GFOD2: variants seen among roughly 807,000 people sequenced by gnomAD.
GFOD2 encodes the protein Gfo/Idh/MocA-like oxidoreductase domain containing 2, also known as glucose-fructose oxidoreductase domain-containing protein 2.
GFOD2 carries 9 observed loss-of-function variants against 24.6 expected under a neutral mutation model. The ratio of observed to expected loss-of-function variants is 0.37; its 90% CI spans 0.22 to 0.64. GFOD2 has a LOEUF of 0.64. Among genes scored for constraint, GFOD2 ranks in the 30% least tolerant of loss-of-function variants. GFOD2 has a pLI of 0.65. For synonymous variants in GFOD2, 211 were observed against 224.8 expected (o/e 0.94, Z 0.55); for missense variants, 476 against 532.5 (o/e 0.89, Z 1.04).
chr16:67,680,360 C>T (rs1373489402), intron 2 of GFOD2: 1 of 152,216 alleles, frequency 6.6e-6, no homozygotes, highest in Non-Finnish European at 1.5e-5. Context: ...ATGATCAAGC[C>T]ACTGTACTCC....
At chr16:67,693,958 C>A (rs1401746339) in intron 1 of GFOD2, among the ~76,000 whole-genome samples, 3 of 151,810 alleles carry the variant, frequency 2.0e-5, no homozygotes, top group Admixed American at 1.3e-4. Context: ...AACAAAAAAA[C>A]CAACCCCCAT....
At chr16:67,681,387 G>A in intron 2 of GFOD2, 1 of 985,390 alleles carries the variant, frequency 1.0e-6, no homozygotes, top group South Asian at 4.7e-5. Context: ...GGTGAGGAAA[G>A]AGGGAAAGAC....
At chr16:67,707,191 T>A (rs1351395224) in intron 1 of GFOD2, among the ~76,000 whole-genome samples, 2 of 151,920 alleles carry the variant, frequency 1.3e-5, no homozygotes, top group African/African-American at 2.4e-5. Context: ...AAACCCCATG[T>A]CTACTGAAAA....
rs191333992 is a variant in GFOD2, at chr16:67,707,763, C to T, written c.-88+11400G>A. ...TGTGAGTCTCACTGTGTTGCCCAGG[C>T]TGGTCTCAACCTGCTGGCCTCAAGT... On this transcript the variant is annotated intron_variant, in intron 1 of 2. Coordinates refer to ENST00000268797, the MANE Select transcript of GFOD2 (RefSeq NM_030819.4). Among the ~76,000 whole-genome samples, 676 of 152,222 alleles carry T rather than the reference C, an allele frequency of 4.4e-3. 6 individuals are homozygous for T. The highest frequency in any genetic ancestry group is 0.015 in the African/African-American group (629 of 41,526).
intron 1 of GFOD2, among the ~76,000 whole-genome samples, chr16:67,695,596 CAT>C: frequency 6.8e-6 from 1 of 146,936 alleles, no homozygotes; most frequent in Admixed American, 6.9e-5. Context: ...AGTGCTGTGG[CAT>C]GATCTTGGCC....
At chr16:67,713,461 C>G (rs1657881478) in intron 1 of GFOD2, among the ~76,000 whole-genome samples, 1 of 152,174 alleles carries the variant, frequency 6.6e-6, no homozygotes. Flanking sequence ...GTCCCACAGA[C>G]TTCCCCTTCC....
At chr16:67,688,091 T>C (rs1473452423) in intron 1 of GFOD2, among the ~76,000 whole-genome samples, 2 of 152,166 alleles carry the variant, frequency 1.3e-5, no homozygotes, top group African/African-American at 4.8e-5. Context: ...AGATAAAGAA[T>C]GCTGTGGAGT....
chr16:67,675,281 C>T lies in GFOD2; in HGVS notation c.1032G>A (p.Met344Ile). The T allele has an allele frequency of 5.0e-6, 8 of 1,612,970 alleles. No homozygotes were observed. The highest frequency in any genetic ancestry group is 6.8e-6 in the Non-Finnish European group (8 of 1,180,026). ...MAASFEDGLY[M>I]QSVVDAIKRS... ...TCTTGATGGCATCCACCACGCTCTG[C>T]ATGTACAGCCCATCCTCGAAGGAGG... The change falls in exon 3 of 3, where the codon ATG (methionine) becomes ATA (isoleucine). Residue 344 changes from methionine (M) to isoleucine (I), a missense_variant. Physicochemically the swap from Met to Ile is conservative, Grantham distance 10. Transcript: ENST00000268797.
chr16:67,683,961 T>G, intron 2 of GFOD2: 1 of 983,276 alleles, frequency 1.0e-6, no homozygotes, highest in Non-Finnish European at 1.2e-6. Context: ...TGTGTGTTAT[T>G]TCTAGTTGCC....
intron 2 of GFOD2, chr16:67,683,764 G>A: frequency 8.1e-7 from 1 of 1,227,162 alleles, no homozygotes; most frequent in Non-Finnish European, 1.0e-6. Context: ...AGACCCTGAG[G>A]TTTGCCACCA....
intron 1 of GFOD2, among the ~76,000 whole-genome samples, chr16:67,707,408 G>T (rs2053446627): frequency 6.6e-6 from 1 of 151,736 alleles, no homozygotes; most frequent in Non-Finnish European, 1.5e-5. Flanking sequence ...AGGATATGCG[G>T]CAAATGGAAC....
intron 2 of GFOD2, chr16:67,683,483 T>A (rs1425321866): frequency 8.1e-7 from 1 of 1,231,578 alleles, no homozygotes. Context: ...TTGACTTAGG[T>A]CTATTTCTGA....
intron 1 of GFOD2, among the ~76,000 whole-genome samples, chr16:67,708,176 C>A (rs1304344142): frequency 6.6e-6 from 1 of 152,134 alleles, no homozygotes; most frequent in Admixed American, 6.6e-5. Flanking sequence ...AATTTTTAAT[C>A]ACCTTAAGTA....
intron 1 of GFOD2, among the ~76,000 whole-genome samples, chr16:67,710,871 A>G (rs1049456896): frequency 7.9e-5 from 12 of 151,898 alleles, no homozygotes; most frequent in African/African-American, 1.5e-4. Context: ...TCTCTCCCCA[A>G]CTGCAAGACT....
chr16:67,685,859 C>A (rs1239552379), intron 1 of GFOD2, 57 bp from the exon 2 acceptor site: 5 of 1,043,558 alleles, frequency 4.8e-6, no homozygotes, highest in Non-Finnish European at 6.8e-6. Context: ...GCTGAGGCTA[C>A]TTTCTTTTTT....
At chr16:67,679,030 G>C (rs1485301268) in intron 2 of GFOD2, among the ~76,000 whole-genome samples, 2 of 152,086 alleles carry the variant, frequency 1.3e-5, no homozygotes, top group East Asian at 3.9e-4. Context: ...AGCCAGGCGT[G>C]GTGGCGTGTA....
rs370152076 is a variant in GFOD2 at position 67,675,872 on chromosome 16, G to C, written c.441C>G (p.Ile147Met). Residue 147 changes from isoleucine (I) to methionine (M), a missense_variant, in exon 3 of 3, where the codon ATC becomes ATG. Ile to Met is a conservative substitution (Grantham distance 10). Coordinates refer to ENST00000268797, the MANE Select transcript of GFOD2 (RefSeq NM_030819.4). Reference sequence around the variant, plus strand: ...TGCCTGAGTAGATGCGGGCATCACAGATCATCACCGCTCCCACATAGTGTT... The same window carrying C: ...TGCCTGAGTAGATGCGGGCATCACACATCATCACCGCTCCCACATAGTGTT... ...ISEHYVGAVM[I>M]CDARIYSGSL... is the part of the protein sequence containing the mutation. 3.0e-5 allele frequency: 49 copies of C among 1,614,064 alleles called. No homozygotes were observed. The highest frequency in any genetic ancestry group is 1.2e-4 in the Admixed American group (7 of 60,004).
intron 1 of GFOD2, among the ~76,000 whole-genome samples, chr16:67,702,920 A>C (rs754773905): frequency 7.9e-5 from 12 of 152,114 alleles, no homozygotes; most frequent in Non-Finnish European, 1.8e-4. Flanking sequence ...TACAGTAAAA[A>C]AAGAATCACC....
At chr16:67,676,957 T>C (rs2053188732) in intron 2 of GFOD2, 1 of 152,172 alleles carries the variant, frequency 6.6e-6, no homozygotes, top group Non-Finnish European at 1.5e-5. Context: ...CCTGCGAGCT[T>C]TGTGTGGTTC....
Sources: allele counts gnomAD v4.1 joint callset (sites outside exome capture counted in the v4.1 genomes callset), GRCh38; gene constraint gnomAD v4.1.1; transcripts MANE v1.5; gene names NCBI Gene and HGNC (gene_info 2026-07-23, HGNC 2026-07-21).